Variants in PPA1 observed in about 807,000 individuals in gnomAD.
PPA1 encodes the protein inorganic pyrophosphatase 1, also known as inorganic pyrophosphatase.
A neutral mutation model predicts 41.8 loss-of-function variants in PPA1; 23 were observed. That is an observed-to-expected ratio of 0.55 (90% CI 0.40 to 0.78). PPA1 has a LOEUF of 0.78. Among genes scored for constraint, PPA1 ranks in the 30% least tolerant of loss-of-function variants. The pLI, the probability that PPA1 is intolerant of heterozygous loss-of-function variation, is 0.00. For synonymous variants in PPA1, 101 were observed against 116.8 expected (o/e 0.86, Z 0.87); for missense variants, 320 against 361.6 (o/e 0.89, Z 0.93).
At chr10:70,207,944 C>A (rs1028897827) in intron 8 of PPA1, among the ~76,000 whole-genome samples, 1 of 151,746 alleles carries the variant, frequency 6.6e-6, no homozygotes, top group East Asian at 1.9e-4. Flanking sequence ...TGTAATCCCA[C>A]CACTTTGGGA....
intron 10 of PPA1, among the ~76,000 whole-genome samples, chr10:70,203,423 G>A (rs1283134094): frequency 6.6e-6 from 1 of 151,762 alleles, no homozygotes; most frequent in Non-Finnish European, 1.5e-5. Flanking sequence ...TTAATTTCGA[G>A]ACAGGGTCTC....
chr10:70,212,342 T>C (rs1840030243), intron 6 of PPA1, among the ~76,000 whole-genome samples: 1 of 152,196 alleles, frequency 6.6e-6, no homozygotes, highest in Non-Finnish European at 1.5e-5. Context: ...AACTCCTATG[T>C]ATGTACCCAA....
intron 6 of PPA1, chr10:70,210,369 C>T (rs1840003092): frequency 7.3e-7 from 1 of 1,364,978 alleles, no homozygotes. Flanking sequence ...GAGGTACTAT[C>T]CCTGGTCCAG....
intron 2 of PPA1, among the ~76,000 whole-genome samples, chr10:70,225,518 C>T (rs1466073246): frequency 1.3e-5 from 2 of 151,984 alleles, no homozygotes; most frequent in African/African-American, 4.8e-5. Context: ...CCCAGCCCAC[C>T]CCCCATTTTT....
chr10:70,228,378 G>A (rs1840255524), intron 2 of PPA1, among the ~76,000 whole-genome samples: 2 of 152,028 alleles, frequency 1.3e-5, no homozygotes, highest in East Asian at 3.9e-4. Flanking sequence ...TAGAACACTG[G>A]GAAAATAGCT....
At position 70,210,392 on chromosome 10, in the gene PPA1, T is replaced by C. The variant is rs1163464852; in HGVS notation, c.512-707A>G. 10 of 1,365,670 alleles carry C rather than the reference T, an allele frequency of 7.3e-6. No individual in the cohort carries two copies. The South Asian group carries it at 1.1e-4, about 16-fold the overall frequency. The allele number at this position is 1,365,670 out of a possible 1,614,324, so 84.6% of individuals were successfully genotyped here. A position where few individuals can be genotyped will look rare whatever the true frequency, so the allele number is the denominator to read the frequency against. ...ATCCCTGGTCCAGAGGCAGAGGCTA[T>C]GTCAGAGGATCACAACACTATTACA... On this transcript the variant is annotated intron_variant, in intron 6 of 10. Coordinates refer to ENST00000373232, the MANE Select transcript of PPA1 (RefSeq NM_021129.4).
chr10:70,206,668 A>AC, intron 8 of PPA1, among the ~76,000 whole-genome samples: 1 of 150,932 alleles, frequency 6.6e-6, no homozygotes, highest in African/African-American at 2.4e-5. Flanking sequence ...ACACGGTGAA[A>AC]CCCCATCTCT....
intron 1 of PPA1, among the ~76,000 whole-genome samples, chr10:70,232,953 C>T (rs1840304929): frequency 6.6e-6 from 1 of 151,962 alleles, no homozygotes; most frequent in Non-Finnish European, 1.5e-5. Context: ...TCGGTGATTT[C>T]CTTTTCCCAA....
At chr10:70,219,456 A>G (rs949473321) in intron 2 of PPA1, among the ~76,000 whole-genome samples, 1 of 152,278 alleles carries the variant, frequency 6.6e-6, no homozygotes, top group Admixed American at 6.5e-5. Context: ...CCCAAGTCAG[A>G]CTAATTACTT....
chr10:70,220,345 C>A (rs995407089), intron 2 of PPA1, among the ~76,000 whole-genome samples: 2 of 143,022 alleles, frequency 1.4e-5, no homozygotes, highest in Non-Finnish European at 3.0e-5. Context: ...CTCAACCACC[C>A]TGGCTCAAGC....
At position 70,214,605 on chromosome 10, in the gene PPA1, G is replaced by A. The variant is rs768007241; in HGVS notation, c.298-19C>T. On this transcript the variant is annotated intron_variant, in intron 4 of 10. Transcript: ENST00000373232. ...CCCAAGTCTAAAAATATAAGACAGT[G>A]TATATCATTCCTATACATACTGACA... 2 of 1,583,738 alleles carry A rather than the reference G, an allele frequency of 1.3e-6. No homozygotes were observed. Among genetic ancestry groups the A allele is most frequent in the African/African-American group, 1.3e-5 (1 of 74,296 alleles).
chr10:70,233,245 A>T lies in PPA1; in HGVS notation c.64+19T>A. On this transcript the variant is annotated intron_variant, in intron 1 of 10. Transcript: ENST00000373232. ...ATGGGCGGACGGGCGCGGAGGGGCC[A>T]CGGGCCGCAGACACTCACTGAGGAA... is the stretch of plus-strand genomic sequence containing the variant. The T allele has an allele frequency of 6.5e-7, 1 of 1,531,678 alleles. No individual in the cohort carries two copies. The highest frequency in any genetic ancestry group is 2.6e-5 in the East Asian group (1 of 38,750). 94.9% of individuals were successfully genotyped at this position (1,531,678 alleles called of 1,614,324 possible).
intron 2 of PPA1, among the ~76,000 whole-genome samples, chr10:70,221,055 A>ATTTTTATATATATATAT (rs1232241016): frequency 2.4e-5 from 1 of 41,666 alleles, no homozygotes; most frequent in African/African-American, 2.2e-4. Flanking sequence ...ATATATATAT[A>ATTTTTATATATATATAT]ATTTATATAT....
chr10:70,213,563 G>A lies in PPA1; in HGVS notation c.411C>T (p.Gly137=), dbSNP rs748397137. The A allele has an allele frequency of 1.4e-5, 22 of 1,613,620 alleles. No individual in the cohort carries two copies. The highest frequency in any genetic ancestry group is 4.5e-5 in the East Asian group (2 of 44,858). ...SKVCARGEII[G]VKVLGILAMI... is the part of the protein sequence containing the mutation. ...TAGCCAATATGCCTAGAACTTTCAC[G>A]CCAATTATTTCACCTCTTGCACATA... is the stretch of plus-strand genomic sequence containing the variant. The change falls in exon 6 of 11, where the codon GGC becomes GGT. Residue 137 remains glycine (G), a synonymous_variant. Coordinates refer to ENST00000373232, the MANE Select transcript of PPA1 (RefSeq NM_021129.4).
intron 2 of PPA1, among the ~76,000 whole-genome samples, chr10:70,221,309 T>A (rs1331925488): frequency 6.6e-6 from 1 of 151,036 alleles, no homozygotes; most frequent in African/African-American, 2.4e-5. Flanking sequence ...CTACACTGAT[T>A]TTGATTCAAA....
intron 1 of PPA1, among the ~76,000 whole-genome samples, chr10:70,232,905 G>C (rs1286469799): frequency 6.6e-6 from 1 of 151,224 alleles, no homozygotes; most frequent in Admixed American, 6.6e-5. Flanking sequence ...ATCCTCTTAC[G>C]GGAATTATGT....
chr10:70,214,784 A>G (rs1361431196), intron 4 of PPA1, among the ~76,000 whole-genome samples, 198 bp from the exon 5 acceptor site: 2 of 152,194 alleles, frequency 1.3e-5, no homozygotes, highest in Non-Finnish European at 2.9e-5. Flanking sequence ...CTAATGCTAA[A>G]CTAAATTTAA....
rs557204832 is a variant in PPA1 at position 70,206,465 on chromosome 10, T to C, written c.726-132A>G. 5.3e-4 allele frequency: 345 copies of C among 651,712 alleles called. 5 individuals carry two copies. The South Asian group carries it at 6.0e-3, about 11-fold the overall frequency. The allele number at this position is 651,712 out of a possible 1,614,324, so 40.4% of individuals were successfully genotyped here. A position where few individuals can be genotyped will look rare whatever the true frequency, so the allele number is the denominator to read the frequency against. On this transcript the variant is annotated intron_variant, in intron 8 of 10. Transcript: ENST00000373232. ...TTAGTCGAAAGCTTTTTCACCTACA[T>C]TTAACATTCTAATTATGTATTTTGG... is the stretch of plus-strand genomic sequence containing the variant.
chr10:70,219,214 T>C (rs1840109602), intron 2 of PPA1, among the ~76,000 whole-genome samples: 1 of 152,158 alleles, frequency 6.6e-6, no homozygotes, highest in Non-Finnish European at 1.5e-5. Context: ...ACTTACTATA[T>C]AAATCTTTTA....
Sources: allele counts gnomAD v4.1 joint callset (sites outside exome capture counted in the v4.1 genomes callset), GRCh38; gene constraint gnomAD v4.1.1; transcripts MANE v1.5; gene names NCBI Gene and HGNC (gene_info 2026-07-23, HGNC 2026-07-21).